The following CSRNP2 variants were observed in gnomAD, a reference collection of about 807,000 sequenced individuals.
CSRNP2 encodes the protein cysteine/serine-rich nuclear protein 2.
A neutral mutation model predicts 36.6 loss-of-function variants in CSRNP2; 11 were observed. That is an observed-to-expected ratio of 0.30 (90% CI 0.19 to 0.50). CSRNP2 has a LOEUF of 0.50. Ranked by LOEUF, CSRNP2 falls within the 20% of genes least tolerant of loss-of-function variation. The pLI, the probability that CSRNP2 is intolerant of heterozygous loss-of-function variation, is 0.98. For missense variants in CSRNP2, 483 were observed against 691.4 expected (o/e 0.70, Z 3.38); for synonymous variants, 248 against 275.3 (o/e 0.90, Z 0.98).
chr12:51,072,724 A>G (rs1468176286), intron 3 of CSRNP2, among the ~76,000 whole-genome samples: 1 of 152,084 alleles, frequency 6.6e-6, no homozygotes. Flanking sequence ...TGCTGTTTGT[A>G]TCTACAAGAT....
chr12:51,071,100 A>G (rs1471040390), intron 3 of CSRNP2, among the ~76,000 whole-genome samples: 2 of 152,162 alleles, frequency 1.3e-5, no homozygotes, highest in African/African-American at 4.8e-5. Flanking sequence ...CGTCTCTACT[A>G]AAAATAAAAA....
chr12:51,072,906 T>C (rs994775404), intron 3 of CSRNP2, among the ~76,000 whole-genome samples: 15 of 152,120 alleles, frequency 9.9e-5, no homozygotes, highest in African/African-American at 3.4e-4. Flanking sequence ...CACGTATTCA[T>C]ATTTTAAACT....
chr12:51,079,987 C>T (rs1317029703), intron 1 of CSRNP2, among the ~76,000 whole-genome samples: 2 of 143,046 alleles, frequency 1.4e-5, no homozygotes, highest in African/African-American at 2.6e-5. Context: ...GCAGGAGAAT[C>T]GCTTGAACCC....
chr12:51,071,035 G>A (rs1192384975), intron 3 of CSRNP2, among the ~76,000 whole-genome samples: 1 of 152,114 alleles, frequency 6.6e-6, no homozygotes, highest in East Asian at 1.9e-4. Flanking sequence ...GCCGAGGCGG[G>A]TGGATCACTT....
intron 2 of CSRNP2, 42 bp from the exon 3 acceptor site, chr12:51,074,124 T>C: frequency 5.1e-6 from 8 of 1,569,728 alleles, no homozygotes; most frequent in Middle Eastern, 2.0e-4. Flanking sequence ...TATTTTTCTA[T>C]TTATTTATTT....
intron 4 of CSRNP2, among the ~76,000 whole-genome samples, chr12:51,066,128 C>T (rs1428909317): frequency 2.0e-5 from 3 of 151,572 alleles, no homozygotes; most frequent in Admixed American, 6.6e-5. Context: ...GAGACCTGCC[C>T]GGCCAACATG....
intron 3 of CSRNP2, among the ~76,000 whole-genome samples, chr12:51,071,032 C>T (rs1200283470): frequency 6.6e-6 from 1 of 151,976 alleles, no homozygotes; most frequent in African/African-American, 2.4e-5. Flanking sequence ...GAGGCCGAGG[C>T]GGGTGGATCA....
Position 51,076,649 on chromosome 12 carries a change from TGCCCAGGG to T in CSRNP2, c.-86-10_-86-3del. ...CAGCTAGCCAGGTACATTAGGATTCTGCCCAGGGAAAAAAAGGAATCAGCATTCCTGTC... is the reference window on the plus strand; with the variant it reads ...CAGCTAGCCAGGTACATTAGGATTCTAAAAAAAGGAATCAGCATTCCTGTC... On this transcript the variant is annotated splice_polypyrimidine_tract_variant and splice_region_variant and intron_variant, in intron 1 of 4. Transcript: ENST00000228515. 2 of 1,488,982 alleles carry T rather than the reference TGCCCAGGG, an allele frequency of 1.3e-6. No individual in the cohort carries two copies. Among genetic ancestry groups the T allele is most frequent in the Admixed American group, 3.6e-5 (2 of 55,130 alleles). The allele number at this position is 1,488,982 out of a possible 1,614,324, so 92.2% of individuals were successfully genotyped here.
intron 3 of CSRNP2, among the ~76,000 whole-genome samples, chr12:51,070,734 G>C (rs1939090711): frequency 6.6e-6 from 1 of 152,114 alleles, no homozygotes; most frequent in African/African-American, 2.4e-5. Context: ...TAAAGTTGCG[G>C]AACACCAAGC....
chr12:51,068,011 G>A (rs1316382601), intron 3 of CSRNP2, 42 bp from the exon 4 acceptor site: 1 of 1,570,688 alleles, frequency 6.4e-7, no homozygotes, highest in Non-Finnish European at 8.7e-7. Flanking sequence ...GACATGAGCG[G>A]CATGCACCTC....
rs531393559 is a variant in CSRNP2, at chr12:51,068,080, C to G, written c.412-111G>C. 117 of 1,013,230 alleles carry G rather than the reference C, an allele frequency of 1.2e-4. No individual in the cohort carries two copies. The African/African-American group carries it at 1.8e-3, about 15-fold the overall frequency. 62.8% of individuals were successfully genotyped at this position (1,013,230 alleles called of 1,614,324 possible). ...GAACCTTCTGCAATCATGGGAATATCTGTGCTGTCCAAAATGATGGCAGCT... is the reference window on the plus strand; with the variant it reads ...GAACCTTCTGCAATCATGGGAATATGTGTGCTGTCCAAAATGATGGCAGCT... On this transcript the variant is annotated intron_variant, in intron 3 of 4. Transcript: ENST00000228515.
chr12:51,063,862 A>AG lies in CSRNP2; in HGVS notation c.1515dup (p.Ser506LeufsTer10). ...TTGTCCGTGCGGAAGGGGAGGCTTGAGGGGGACCAGGAAGGGTGGAAGTCT... is the reference window on the plus strand; with the variant it reads ...TTGTCCGTGCGGAAGGGGAGGCTTGAGGGGGGACCAGGAAGGGTGGAAGTCT... On this transcript the variant is annotated frameshift_variant, in exon 5 of 5. Transcript: ENST00000228515. LOFTEE classifies it high-confidence loss of function. The AG allele has an allele frequency of 6.2e-7, 1 of 1,614,018 alleles. No individual in the cohort carries two copies. The highest frequency in any genetic ancestry group is 8.5e-7 in the Non-Finnish European group (1 of 1,179,988).
intron 4 of CSRNP2, among the ~76,000 whole-genome samples, chr12:51,066,182 C>T (rs1186992025): frequency 4.6e-5 from 7 of 152,116 alleles, no homozygotes; most frequent in Non-Finnish European, 7.4e-5. Context: ...TGGCCAGGTG[C>T]GGTGGCTCAC....
intron 1 of CSRNP2, among the ~76,000 whole-genome samples, chr12:51,078,586 G>T (rs1172411499): frequency 6.6e-6 from 1 of 152,150 alleles, no homozygotes; most frequent in Non-Finnish European, 1.5e-5. Context: ...CGATCAACAA[G>T]AAGACATTTA....
intron 2 of CSRNP2, among the ~76,000 whole-genome samples, chr12:51,074,964 C>T (rs967301274): frequency 1.3e-5 from 2 of 152,016 alleles, no homozygotes; most frequent in African/African-American, 4.8e-5. Flanking sequence ...ACTCAGGAAG[C>T]TGAGGCAGGA....
At chr12:51,080,930 G>T (rs1025814565) in intron 1 of CSRNP2, among the ~76,000 whole-genome samples, 1 of 152,186 alleles carries the variant, frequency 6.6e-6, no homozygotes, top group Admixed American at 6.5e-5. Flanking sequence ...TGAGGCAGGA[G>T]AATTGCTTGA....
In CSRNP2 at chr12:51,081,830, AAACAAAC is replaced by A. The variant is rs370765108; in HGVS notation, c.-87+1502_-87+1508del. 6.5e-3 allele frequency among the ~76,000 whole-genome samples: 951 copies of A among 146,562 alleles called. 3 individuals are homozygous for A. The highest frequency in any genetic ancestry group is 0.01 in the Middle Eastern group (3 of 290). ...CCTATAACCACCAAAACAAACAAAC[AAACAAAC>A]AACAACAACAACAAAAAAAAACAGC... On this transcript the variant is annotated intron_variant, in intron 1 of 4. Transcript: ENST00000228515.
intron 2 of CSRNP2, among the ~76,000 whole-genome samples, chr12:51,075,352 T>C (rs560057306): frequency 6.6e-6 from 1 of 152,236 alleles, no homozygotes; most frequent in South Asian, 2.1e-4. Context: ...GTTCAAGTGA[T>C]CCACCCATAT....
Position 51,073,879 on chromosome 12 carries a change from G to C in CSRNP2, c.355C>G (p.Arg119Gly). ...EFAQEQEVNH[R>G]EILREHLKEE... Reference sequence around the variant, plus strand: ...TTCAGGTGCTCACGCAGAATCTCTCGATGGTTCACCTCCTGTTCCTGGGCA... The same window carrying C: ...TTCAGGTGCTCACGCAGAATCTCTCCATGGTTCACCTCCTGTTCCTGGGCA... The change falls in exon 3 of 5, where the codon CGA becomes GGA. Residue 119 changes from arginine (R) to glycine (G), a missense_variant. Arg to Gly is a moderately radical substitution (Grantham distance 125). Around this residue, in one of 2 missense-constraint regions of CSRNP2, gnomAD observed 206 missense variants for 367.8 expected, o/e 0.56. Transcript: ENST00000228515. The C allele has an allele frequency of 6.2e-7, 1 of 1,614,058 alleles. No individual in the cohort carries two copies. Among genetic ancestry groups the C allele is most frequent in the Non-Finnish European group, 8.5e-7 (1 of 1,179,996 alleles).
Sources: gnomAD v4.1 joint callset for allele counts (sites outside exome capture counted in the v4.1 genomes callset) on GRCh38, gnomAD v4.1.1 for gene constraint, gnomAD v4.1.1 regional missense constraint, MANE v1.5 for transcripts, NCBI Gene and HGNC (gene_info 2026-07-23, HGNC 2026-07-21) for gene names.